LNPK: variants seen among roughly 807,000 people sequenced by gnomAD.
LNPK encodes endoplasmic reticulum junction formation protein lunapark.
Under a neutral mutation model 55.2 loss-of-function variants are expected in LNPK, and 29 were observed. That is an observed-to-expected ratio of 0.53 (90% CI 0.39 to 0.72). The LOEUF is 0.72. LNPK is among the 30% of genes least tolerant of loss of function. The probability of loss-of-function intolerance (pLI) is 0.00; values close to 1 mark genes in which losing one functional copy is unlikely to be tolerated. For synonymous variants in LNPK, 162 were observed against 168.2 expected, an observed-to-expected ratio of 0.96 and a Z score of 0.29; for missense variants, 467 against 494.8, an observed-to-expected ratio of 0.94 and a Z score of 0.53.
chr2:175,930,350 T>A, intron 12 of LNPK, 151 bp from the exon 13 acceptor site: 1 of 650,784 alleles, frequency 1.5e-6, no homozygotes, highest in Non-Finnish European at 2.6e-6. Context: ...ACATTATCCT[T>A]AAAATCTTTT....
rs1383205980 is a variant in LNPK at position 175,928,791 on chromosome 2, T to C, written c.*1176A>G. ...AGCACTGAGACACATTTTTTCCAGTTAATCCTTAATACAAATATTAAATCC... is the reference window on the plus strand; with the variant it reads ...AGCACTGAGACACATTTTTTCCAGTCAATCCTTAATACAAATATTAAATCC... On this transcript the variant is annotated 3_prime_UTR_variant, in exon 13 of 13. Transcript: ENST00000272748. 2 of 152,106 alleles carry C rather than the reference T, an allele frequency of 1.3e-5. No homozygotes were observed. The highest frequency in any genetic ancestry group is 2.9e-5 in the Non-Finnish European group (2 of 68,004). The allele number at this position is 152,106 out of a possible 1,614,324, so 9.4% of individuals were successfully genotyped here.
chr2:175,931,800 A>C (rs1684290661), intron 12 of LNPK, among the ~76,000 whole-genome samples: 1 of 152,194 alleles, frequency 6.6e-6, no homozygotes, highest in Non-Finnish European at 1.5e-5. Flanking sequence ...AAAAGCAGAA[A>C]GGGCAAATGA....
At chr2:175,986,882 C>T (rs1687439550) in intron 4 of LNPK, among the ~76,000 whole-genome samples, 1 of 151,536 alleles carries the variant, frequency 6.6e-6, no homozygotes, top group Non-Finnish European at 1.5e-5. Flanking sequence ...TCAAGTATGT[C>T]CACTATTTTC....
At chr2:175,962,827 G>C (rs1686116304) in intron 8 of LNPK, among the ~76,000 whole-genome samples, 1 of 151,764 alleles carries the variant, frequency 6.6e-6, no homozygotes, top group East Asian at 1.9e-4. Flanking sequence ...CTAATATCCA[G>C]AATCTACAAT....
chr2:175,965,124 T>G (rs1553504298), intron 6 of LNPK, among the ~76,000 whole-genome samples: 1 of 152,192 alleles, frequency 6.6e-6, no homozygotes, highest in Non-Finnish European at 1.5e-5. Flanking sequence ...GCCATGGAAT[T>G]TGCTCAAATG....
At chr2:175,947,361 A>AT in intron 9 of LNPK, 119 bp downstream of exon 9, 1 of 765,454 alleles carries the variant, frequency 1.3e-6, no homozygotes, top group South Asian at 1.9e-5. Flanking sequence ...GCTTAATCAG[A>AT]TAACTGCTCT....
At chr2:175,935,209 C>T (rs1684481364) in intron 12 of LNPK, among the ~76,000 whole-genome samples, 1 of 152,170 alleles carries the variant, frequency 6.6e-6, no homozygotes, top group Admixed American at 6.5e-5. Context: ...TTCATCTCTA[C>T]ACTTTCTGCT....
intron 8 of LNPK, among the ~76,000 whole-genome samples, chr2:175,963,546 G>A (rs1198689168): frequency 6.6e-6 from 1 of 152,064 alleles, no homozygotes; most frequent in Non-Finnish European, 1.5e-5. Flanking sequence ...CACACTCTGG[G>A]GACTGTTGTG....
chr2:175,993,834 C>A (rs149854729), intron 2 of LNPK, among the ~76,000 whole-genome samples: 12 of 151,748 alleles, frequency 7.9e-5, no homozygotes, highest in Non-Finnish European at 1.2e-4. Flanking sequence ...AAAAAACACA[C>A]GTTTTCCTCC....
At position 175,979,825 on chromosome 2, in the gene LNPK, T is replaced by G. The variant is rs775638070; in HGVS notation, c.301A>C (p.Arg101=). 7.0e-6 allele frequency: 11 copies of G among 1,577,940 alleles called. No homozygotes were observed. Among genetic ancestry groups the G allele is most frequent in the Non-Finnish European group, 9.5e-6 (11 of 1,163,840 alleles). The change falls in exon 5 of 13, where the codon AGA becomes CGA. Residue 101 remains arginine (R), a synonymous_variant. Transcript: ENST00000272748. ...TTAAACTTACTATTTCTTTCTGTTC[T>G]CTTGGAAAAGAAGAAAATAATTACT... The part of the protein sequence containing the change: ...RTVIIFFFSK[R]TERNNEALDD...
chr2:175,952,413 A>C (rs1030159225), intron 8 of LNPK, among the ~76,000 whole-genome samples: 1 of 151,898 alleles, frequency 6.6e-6, no homozygotes, highest in Non-Finnish European at 1.5e-5. Context: ...ATATATTTTC[A>C]GGTAAATTTC....
chr2:175,977,841 G>GT (rs1025285939), intron 5 of LNPK, among the ~76,000 whole-genome samples: 1 of 152,142 alleles, frequency 6.6e-6, no homozygotes, highest in African/African-American at 2.4e-5. Flanking sequence ...GTTAGGAGAG[G>GT]TTTTTTCCCC....
chr2:175,947,488 G>A lies in LNPK; in HGVS notation c.698C>T (p.Pro233Leu), dbSNP rs1685193454. ...TTAAGTGCTCTGTTTACCCATTCCAGGCACTGAAGTAGCAGGGGATCCAAG... is the reference window on the plus strand; with the variant it reads ...TTAAGTGCTCTGTTTACCCATTCCAAGCACTGAAGTAGCAGGGGATCCAAG... ...RHLGSPATSV[P>L]GMGLHPPGPP... is the part of the protein sequence containing the mutation. Residue 233 changes from proline (P) to leucine (L), a missense_variant, in exon 9 of 13, where the codon CCT becomes CTT. Physicochemically the swap from Pro to Leu is moderately conservative, Grantham distance 98. Transcript: ENST00000272748. 1.9e-6 allele frequency: 3 copies of A among 1,612,208 alleles called. No individual in the cohort carries two copies. The highest frequency in any genetic ancestry group is 1.7e-6 in the Non-Finnish European group (2 of 1,178,932).
At chr2:175,984,311 T>C (rs1017907432) in intron 4 of LNPK, among the ~76,000 whole-genome samples, 1 of 152,012 alleles carries the variant, frequency 6.6e-6, no homozygotes, top group African/African-American at 2.4e-5. Flanking sequence ...CCCTAGTAGC[T>C]GGGATTACAG....
At chr2:175,994,512 C>A (rs1687843559) in intron 2 of LNPK, among the ~76,000 whole-genome samples, 1 of 151,988 alleles carries the variant, frequency 6.6e-6, no homozygotes, top group Admixed American at 6.6e-5. Context: ...TTGAAAAGAG[C>A]ATTTATATAA....
intron 8 of LNPK, among the ~76,000 whole-genome samples, chr2:175,958,059 G>GC (rs1685785857): frequency 6.6e-6 from 1 of 152,224 alleles, no homozygotes; most frequent in South Asian, 2.1e-4. Flanking sequence ...GGGCCAGGAA[G>GC]CTCGAACTGG....
intron 8 of LNPK, among the ~76,000 whole-genome samples, chr2:175,957,074 T>C (rs1014328520): frequency 2.6e-5 from 4 of 152,016 alleles, no homozygotes; most frequent in African/African-American, 9.7e-5. Flanking sequence ...AATCAGAAAA[T>C]TGGCTGGGCG....
chr2:175,980,194 T>A (rs1268095677), intron 4 of LNPK, among the ~76,000 whole-genome samples: 1 of 152,200 alleles, frequency 6.6e-6, no homozygotes, highest in South Asian at 2.1e-4. Context: ...AGATTGAGAA[T>A]ATTAGAATCC....
At chr2:175,962,832 T>C (rs1461547581) in intron 8 of LNPK, among the ~76,000 whole-genome samples, 1 of 151,740 alleles carries the variant, frequency 6.6e-6, no homozygotes, top group African/African-American at 2.4e-5. Context: ...ATCCAGAATC[T>C]ACAATGAACT....
Sources: gnomAD v4.1 joint callset for allele counts (sites outside exome capture counted in the v4.1 genomes callset) on GRCh38, gnomAD v4.1.1 for gene constraint, MANE v1.5 for transcripts, NCBI Gene and HGNC (gene_info 2026-07-23, HGNC 2026-07-21) for gene names.